Variants in VEGFC observed in about 807,000 individuals in gnomAD.
VEGFC encodes the protein vascular endothelial growth factor C, also known as FLT4 ligand DHM.
In VEGFC, 12 loss-of-function variants were observed where a neutral mutation model predicts 46.1. The ratio of observed to expected loss-of-function variants is 0.26; its 90% CI spans 0.17 to 0.42. VEGFC has a LOEUF of 0.42. VEGFC is among the 10% of genes least tolerant of loss of function. The pLI is 1.00. For synonymous variants in VEGFC, 232 were observed against 195.5 expected (o/e 1.19, Z -1.56); for missense variants, 488 against 529.4 (o/e 0.92, Z 0.77).
At chr4:176,686,559 C>T (rs1206607047) in intron 6 of VEGFC, among the ~76,000 whole-genome samples, 1 of 152,080 alleles carries the variant, frequency 6.6e-6, no homozygotes, top group Non-Finnish European at 1.5e-5. Context: ...ACAGGTCTGG[C>T]TTAAATAGTA....
At chr4:176,743,587 A>G (rs1735212528) in intron 1 of VEGFC, among the ~76,000 whole-genome samples, 1 of 149,920 alleles carries the variant, frequency 6.7e-6, no homozygotes, top group Non-Finnish European at 1.5e-5. Flanking sequence ...CCGATATATA[A>G]ATATATAAAT....
At chr4:176,736,461 C>T (rs963673769) in intron 1 of VEGFC, among the ~76,000 whole-genome samples, 16 of 60,978 alleles carry the variant, frequency 2.6e-4, no homozygotes, top group African/African-American at 4.7e-4. Context: ...CACTGTGCCT[C>T]AATTAGTTCT....
At chr4:176,739,825 G>T (rs1035798977) in intron 1 of VEGFC, among the ~76,000 whole-genome samples, 3 of 151,252 alleles carry the variant, frequency 2.0e-5, no homozygotes, top group African/African-American at 7.3e-5. Context: ...ACAAACCACA[G>T]ATTGAAATCG....
chr4:176,735,704 G>C (rs1349331114), intron 1 of VEGFC, among the ~76,000 whole-genome samples: 2 of 151,788 alleles, frequency 1.3e-5, no homozygotes, highest in African/African-American at 4.8e-5. Context: ...AATACTGCAG[G>C]GTTGAAGTTG....
At chr4:176,710,249 G>A (rs1387579923) in intron 4 of VEGFC, among the ~76,000 whole-genome samples, 1 of 152,164 alleles carries the variant, frequency 6.6e-6, no homozygotes, top group Non-Finnish European at 1.5e-5. Context: ...TCAGAATGGA[G>A]GAGTCACTGA....
chr4:176,752,353 C>A (rs774953820), intron 1 of VEGFC, among the ~76,000 whole-genome samples: 1 of 152,038 alleles, frequency 6.6e-6, no homozygotes, highest in Non-Finnish European at 1.5e-5. Context: ...ATGACTTTTA[C>A]ATAGCTCATA....
At chr4:176,762,453 C>T (rs964470016) in intron 1 of VEGFC, among the ~76,000 whole-genome samples, 2 of 152,144 alleles carry the variant, frequency 1.3e-5, no homozygotes, top group Non-Finnish European at 2.9e-5. Flanking sequence ...GAGACGGGGC[C>T]CTCACCAGGC....
chr4:176,722,107 A>AAT (rs1163888689), intron 3 of VEGFC, among the ~76,000 whole-genome samples: 1 of 152,136 alleles, frequency 6.6e-6, no homozygotes, highest in Non-Finnish European at 1.5e-5. Flanking sequence ...GATTATTGTA[A>AAT]ATATATAGCC....
chr4:176,727,206 A>C (rs139142772), intron 3 of VEGFC, among the ~76,000 whole-genome samples: 73 of 152,350 alleles, frequency 4.8e-4, no homozygotes, highest in African/African-American at 1.6e-3. Context: ...GGTTATCAGA[A>C]GCTTACCATT....
chr4:176,780,800 C>T (rs942374301), intron 1 of VEGFC, among the ~76,000 whole-genome samples: 6 of 152,186 alleles, frequency 3.9e-5, no homozygotes, highest in African/African-American at 1.4e-4. Context: ...GTCACACTAG[C>T]ACTGCTCCTA....
rs150460568 is a variant in VEGFC, at chr4:176,761,101, A to T, written c.147+31064T>A. Among the ~76,000 whole-genome samples, 304 of 152,346 alleles carry T rather than the reference A, an allele frequency of 2.0e-3. 2 individuals are homozygous for T. Among genetic ancestry groups the T allele is most frequent in the African/African-American group, 6.9e-3 (289 of 41,590 alleles). On this transcript the variant is annotated intron_variant, in intron 1 of 6. Coordinates refer to ENST00000618562, the MANE Select transcript of VEGFC (RefSeq NM_005429.5). The stretch of plus-strand genomic sequence containing the variant: ...ATTTAATAAAAGCAAGTGAATATTT[A>T]AAAAAGTATATGATTATAGATCCTA...
chr4:176,727,697 GAAGTTTAAACACATCATCCCCA>G, intron 3 of VEGFC, 59 bp downstream of exon 3: 1 of 1,414,570 alleles, frequency 7.1e-7, no homozygotes, highest in Non-Finnish European at 9.4e-7. Flanking sequence ...AAAGCAACCA[GAAGTTTAAACACATCATCCCCA>G]AAGTTAAAGC....
At chr4:176,733,247 G>T (rs993122488) in intron 1 of VEGFC, among the ~76,000 whole-genome samples, 1 of 151,926 alleles carries the variant, frequency 6.6e-6, no homozygotes, top group African/African-American at 2.4e-5. Flanking sequence ...TAAAATTTCA[G>T]TCCTGTATAG....
chr4:176,751,991 A>C (rs1325995626), intron 1 of VEGFC, among the ~76,000 whole-genome samples: 1 of 151,980 alleles, frequency 6.6e-6, no homozygotes, highest in Non-Finnish European at 1.5e-5. Context: ...TAAATGGATA[A>C]ATTTCATATT....
intron 1 of VEGFC, among the ~76,000 whole-genome samples, chr4:176,759,393 C>T (rs2333511): frequency 0.031 from 4,656 of 152,084 alleles, 168 homozygotes; most frequent in Middle Eastern, 0.11. Context: ...CATGATCACG[C>T]TTAAATGTAG....
intron 4 of VEGFC, among the ~76,000 whole-genome samples, chr4:176,688,529 C>G (rs1445970173): frequency 1.3e-5 from 2 of 152,208 alleles, no homozygotes; most frequent in South Asian, 2.1e-4. Flanking sequence ...CTGTACTCCC[C>G]CAAAAAGTTA....
At chr4:176,739,495 G>C (rs775410106) in intron 1 of VEGFC, among the ~76,000 whole-genome samples, 1 of 151,954 alleles carries the variant, frequency 6.6e-6, no homozygotes, top group African/African-American at 2.4e-5. Flanking sequence ...TGCAGGAGCA[G>C]AAAAGCAAAC....
At position 176,772,970 on chromosome 4, in the gene VEGFC, T is replaced by C. The variant is rs908318896; in HGVS notation, c.147+19195A>G. 6.6e-5 allele frequency among the ~76,000 whole-genome samples: 10 copies of C among 152,336 alleles called. No individual in the cohort carries two copies. In the South Asian group the frequency reaches 2.1e-3, roughly 32 times the overall value. ...CTACCCAAAGTACATTCATTCTCCTTTCCTTCTTTGTGAAAAGAATTTCAA... is the reference window on the plus strand; with the variant it reads ...CTACCCAAAGTACATTCATTCTCCTCTCCTTCTTTGTGAAAAGAATTTCAA... On this transcript the variant is annotated intron_variant, in intron 1 of 6. Transcript: ENST00000618562.
chr4:176,784,349 C>T (rs1036611042), intron 1 of VEGFC, among the ~76,000 whole-genome samples: 10 of 152,070 alleles, frequency 6.6e-5, no homozygotes, highest in Non-Finnish European at 1.2e-4. Flanking sequence ...GGATTACAGA[C>T]GTGAGCCACC....
Sources: allele counts gnomAD v4.1 joint callset (sites outside exome capture counted in the v4.1 genomes callset), GRCh38; gene constraint gnomAD v4.1.1; transcripts MANE v1.5; gene names NCBI Gene and HGNC (gene_info 2026-07-23, HGNC 2026-07-21).